Variants in DCC observed in about 807,000 individuals in gnomAD.
DCC encodes the protein DCC netrin 1 receptor.
Under a neutral mutation model 172.5 loss-of-function variants are expected in DCC, and 58 were observed. That is an observed-to-expected ratio of 0.34 (90% CI 0.27 to 0.42). The LOEUF (loss-of-function observed/expected upper bound fraction) is 0.42. Ranked by LOEUF, DCC falls within the 10% of genes least tolerant of loss-of-function variation. The pLI, the probability that DCC is intolerant of heterozygous loss-of-function variation, is 1.00. For synonymous variants in DCC, 709 were observed against 644.5 expected, an observed-to-expected ratio of 1.10 and a Z score of -1.52; for missense variants, 1,740 against 1,791.0, an observed-to-expected ratio of 0.97 and a Z score of 0.51.
At chr18:52,681,334 A>G (rs1285215411) in intron 1 of DCC, among the ~76,000 whole-genome samples, 2 of 151,986 alleles carry the variant, frequency 1.3e-5, no homozygotes, top group Non-Finnish European at 2.9e-5. Context: ...CTACATATCA[A>G]CTATTTTTGG....
intron 7 of DCC, among the ~76,000 whole-genome samples, chr18:53,132,459 C>T (rs889926970): frequency 2.0e-5 from 3 of 152,092 alleles, no homozygotes; most frequent in Admixed American, 1.3e-4. Context: ...ACGCTTAAGT[C>T]CTTCCCCTTT....
intron 21 of DCC, among the ~76,000 whole-genome samples, chr18:53,428,825 A>T (rs1427385945): frequency 1.2e-4 from 3 of 25,030 alleles, no homozygotes; most frequent in African/African-American, 3.5e-4. Context: ...ATAATAAATT[A>T]TATATTATAT....
At chr18:52,908,923 C>G (rs1277186198) in intron 3 of DCC, among the ~76,000 whole-genome samples, 1 of 152,066 alleles carries the variant, frequency 6.6e-6, no homozygotes, top group Non-Finnish European at 1.5e-5. Flanking sequence ...CATGCGCACA[C>G]ACACACAGGT....
chr18:52,659,712 AC>A (rs981080716), intron 1 of DCC, among the ~76,000 whole-genome samples: 1 of 152,058 alleles, frequency 6.6e-6, no homozygotes, highest in African/African-American at 2.4e-5. Flanking sequence ...GAACCACTGA[AC>A]CCAATACATT....
intron 2 of DCC, among the ~76,000 whole-genome samples, chr18:52,894,749 G>C (rs1438493973): frequency 6.6e-6 from 1 of 152,030 alleles, no homozygotes; most frequent in Non-Finnish European, 1.5e-5. Flanking sequence ...TAATGTCCCA[G>C]CTCAAGCAGT....
chr18:52,792,126 G>A (rs983764018), intron 2 of DCC, among the ~76,000 whole-genome samples: 11 of 151,958 alleles, frequency 7.2e-5, no homozygotes, highest in Non-Finnish European at 1.2e-4. Flanking sequence ...CCACTAGTTG[G>A]TGCTGTTGAC....
At chr18:52,555,980 A>G (rs1221388319) in intron 1 of DCC, among the ~76,000 whole-genome samples, 1 of 152,116 alleles carries the variant, frequency 6.6e-6, no homozygotes, top group Admixed American at 6.6e-5. Flanking sequence ...TAATACTGAG[A>G]TATCTATGGC....
At position 52,923,831 on chromosome 18, in the gene DCC, A is replaced by C; in HGVS notation, c.822A>C (p.Leu274Phe). ...SGYPPPSFTW[L>F]RGEEVIQLRS... is the part of the protein sequence containing the mutation. ...ATCCTCCACCAAGTTTTACCTGGTT[A>C]CGAGGCGAGGAAGTCATCCAACTCA... The change falls in exon 4 of 29, where the codon TTA (leucine) becomes TTC (phenylalanine). Residue 274 changes from leucine (L) to phenylalanine (F), a missense_variant. Physicochemically the swap from Leu to Phe is conservative, Grantham distance 22 (BLOSUM62 0). This residue lies in a region of DCC where 1,732 missense variants were observed against 1,767.4 expected (regional missense o/e 0.98). Coordinates refer to ENST00000442544, the MANE Select transcript of DCC (RefSeq NM_005215.4). 1 of 1,613,406 alleles carries C rather than the reference A, an allele frequency of 6.2e-7. No homozygotes were observed.
intron 1 of DCC, among the ~76,000 whole-genome samples, chr18:52,700,177 CAT>C (rs1174684228): frequency 1.4e-5 from 2 of 148,092 alleles, no homozygotes; most frequent in South Asian, 2.2e-4. Context: ...CGCACACACA[CAT>C]GCACACGCAC....
At chr18:53,094,422 C>T (rs532610165) in intron 7 of DCC, among the ~76,000 whole-genome samples, 21 of 152,306 alleles carry the variant, frequency 1.4e-4, no homozygotes, top group African/African-American at 5.0e-4. Flanking sequence ...AGGATTCTGT[C>T]ACTTTTAGCC....
chr18:53,312,994 G>A (rs2057296334), intron 13 of DCC, among the ~76,000 whole-genome samples: 1 of 131,342 alleles, frequency 7.6e-6, no homozygotes, highest in East Asian at 2.4e-4. Context: ...AGGGAGGGAG[G>A]AGGGAGGAAG....
At chr18:52,902,514 C>T (rs2039824633) in intron 2 of DCC, among the ~76,000 whole-genome samples, 1 of 152,106 alleles carries the variant, frequency 6.6e-6, no homozygotes, top group African/African-American at 2.4e-5. Flanking sequence ...CTGTATCTCT[C>T]TCTGGATGAA....
intron 1 of DCC, among the ~76,000 whole-genome samples, chr18:52,702,574 C>T (rs1050151764): frequency 6.6e-6 from 1 of 152,058 alleles, no homozygotes; most frequent in African/African-American, 2.4e-5. Context: ...GCTTGTTGAC[C>T]TTATCGCTCC....
In DCC at chr18:53,128,779, T is replaced by C. The variant is rs373417415; in HGVS notation, c.1262-28577T>C. On this transcript the variant is annotated intron_variant, in intron 7 of 28. Transcript: ENST00000442544. The stretch of plus-strand genomic sequence containing the variant: ...CTTCCTGAAACAGTTACTGTTAAAA[T>C]GTTAGTACTTACTTTTAATATTTGC... Among the ~76,000 whole-genome samples the C allele has an allele frequency of 5.0e-3, 756 of 149,998 alleles. 7 individuals are homozygous for C. Among genetic ancestry groups the C allele is most frequent in the Middle Eastern group, 0.014 (4 of 278 alleles).
In DCC at chr18:52,451,600, G is replaced by A. The variant is rs150609081; in HGVS notation, c.91+110722G>A. 1.0e-3 allele frequency among the ~76,000 whole-genome samples: 153 copies of A among 152,316 alleles called. No individual in the cohort carries two copies. In the East Asian group the frequency reaches 0.023, roughly 23 times the overall value. ...ATAGTTTATAATCCACTTCAGTGGT[G>A]CTGGTGTTTTATTTAAGCTCTTTTG... On this transcript the variant is annotated intron_variant, in intron 1 of 28. Coordinates refer to ENST00000442544, the MANE Select transcript of DCC (RefSeq NM_005215.4).
At chr18:52,546,783 G>T (rs2032629179) in intron 1 of DCC, among the ~76,000 whole-genome samples, 1 of 151,934 alleles carries the variant, frequency 6.6e-6, no homozygotes, top group African/African-American at 2.4e-5. Context: ...TTTTCAATTG[G>T]CACTTGGGTT....
intron 27 of DCC, among the ~76,000 whole-genome samples, chr18:53,510,486 T>C (rs8086556): frequency 0.14 from 21,018 of 152,108 alleles, 1,694 homozygotes; most frequent in Admixed American, 0.25. Context: ...TTATTGGGTA[T>C]AAAAATGCCG....
intron 2 of DCC, among the ~76,000 whole-genome samples, chr18:52,871,030 T>C (rs2039310900): frequency 6.6e-6 from 1 of 152,162 alleles, no homozygotes; most frequent in African/African-American, 2.4e-5. Context: ...ATTGGACTTT[T>C]CCAGCACTAA....
At chr18:53,377,361 G>GAGAGAGAGAT (rs1907366799) in intron 15 of DCC, among the ~76,000 whole-genome samples, 1 of 45,692 alleles carries the variant, frequency 2.2e-5, no homozygotes, top group Non-Finnish European at 6.9e-5. Context: ...TTGAGAGAGA[G>GAGAGAGAGAT]AGAGAGAGAG....
Sources: gnomAD v4.1 joint callset for allele counts (sites outside exome capture counted in the v4.1 genomes callset) on GRCh38, gnomAD v4.1.1 for gene constraint, gnomAD v4.1.1 regional missense constraint, MANE v1.5 for transcripts, NCBI Gene and HGNC (gene_info 2026-07-23, HGNC 2026-07-21) for gene names.